RNF138: variants seen among roughly 807,000 people sequenced by gnomAD.
RNF138 encodes E3 ubiquitin-protein ligase RNF138.
Under a neutral mutation model 31.0 loss-of-function variants are expected in RNF138, and 12 were observed. The observed-to-expected ratio is 0.39, with a 90% CI of 0.25 to 0.63. The LOEUF (loss-of-function observed/expected upper bound fraction) is 0.63. Ranked by LOEUF, RNF138 falls within the 20% of genes least tolerant of loss-of-function variation. The pLI is 0.52. For missense variants in RNF138, 192 were observed against 300.1 expected (o/e 0.64, Z 2.66); for synonymous variants, 105 against 99.5 (o/e 1.06, Z -0.33).
intron 4 of RNF138, among the ~76,000 whole-genome samples, chr18:32,122,648 AC>A (rs1303014430): frequency 1.3e-5 from 2 of 151,674 alleles, no homozygotes; most frequent in Admixed American, 1.3e-4. Context: ...ACATGGCGAA[AC>A]CCCGTCTCTA....
intron 4 of RNF138, among the ~76,000 whole-genome samples, chr18:32,114,815 C>T (rs1248067978): frequency 1.3e-5 from 2 of 152,142 alleles, no homozygotes; most frequent in Non-Finnish European, 2.9e-5. Flanking sequence ...ACTTAACCGC[C>T]CTTAAGCACT....
chr18:32,096,522 G>A (rs1482816110), intron 2 of RNF138, among the ~76,000 whole-genome samples: 2 of 152,104 alleles, frequency 1.3e-5, no homozygotes, highest in Non-Finnish European at 2.9e-5. Flanking sequence ...AAAGATTGAA[G>A]AGCACCTAGA....
chr18:32,114,934 G>T (rs949598002), intron 4 of RNF138, among the ~76,000 whole-genome samples: 2 of 152,038 alleles, frequency 1.3e-5, no homozygotes, highest in African/African-American at 4.8e-5. Context: ...TGATTGCCTA[G>T]TCTGAAAAAA....
chr18:32,104,013 CTTT>C (rs745696010), intron 2 of RNF138, among the ~76,000 whole-genome samples: 3,993 of 130,798 alleles, frequency 0.031, 194 homozygotes, highest in African/African-American at 0.11. Flanking sequence ...GGCTAAAAAA[CTTT>C]TTTTTTTTTT....
At chr18:32,093,563 C>G (rs1263810360) in intron 2 of RNF138, among the ~76,000 whole-genome samples, 1 of 152,140 alleles carries the variant, frequency 6.6e-6, no homozygotes, top group Non-Finnish European at 1.5e-5. Flanking sequence ...TTGAAATGAG[C>G]GTTCCCCTTT....
At chr18:32,124,589 A>G (rs1176417802) in intron 5 of RNF138, 145 bp from the exon 6 acceptor site, 2 of 594,662 alleles carry the variant, frequency 3.4e-6, no homozygotes, top group Non-Finnish European at 6.0e-6. Flanking sequence ...TTTCCTGAAT[A>G]CATATGTTCA....
chr18:32,092,829 G>A lies in RNF138; in HGVS notation c.53G>A (p.Cys18Tyr). 2.5e-6 allele frequency: 4 copies of A among 1,600,538 alleles called. No homozygotes were observed. Among genetic ancestry groups the A allele is most frequent in the Non-Finnish European group, 2.6e-6 (3 of 1,175,812 alleles). ...TCCTACACCGAAGATGATTTCTACT[G>A]CCCCGTCTGTCAGGAGGTGCTCAAA... ...ATSYTEDDFY[C>Y]PVCQEVLKTP... The change falls in exon 2 of 8, where the codon TGC becomes TAC. Residue 18 changes from cysteine to tyrosine, a missense_variant. Cys to Tyr is a radical substitution (Grantham distance 194, BLOSUM62 -2). This residue lies in a region of RNF138 where 52 missense variants were observed against 48.4 expected (regional missense o/e 1.07). Transcript: ENST00000261593.
chr18:32,111,385 G>A (rs181842297), intron 2 of RNF138, among the ~76,000 whole-genome samples: 32 of 152,288 alleles, frequency 2.1e-4, no homozygotes, highest in African/African-American at 7.2e-4. Flanking sequence ...TCCAGTGTGC[G>A]TTAATTTGTT....
intron 2 of RNF138, 141 bp downstream of exon 2, chr18:32,093,027 C>T (rs974676795): frequency 1.5e-5 from 7 of 475,160 alleles, no homozygotes; most frequent in Non-Finnish European, 2.6e-5. Context: ...AGGTCCCGTT[C>T]CCCGCCCCTC....
At chr18:32,111,165 C>G (rs905898041) in intron 2 of RNF138, among the ~76,000 whole-genome samples, 4 of 152,242 alleles carry the variant, frequency 2.6e-5, no homozygotes, top group African/African-American at 9.6e-5. Flanking sequence ...ACCAAATAAC[C>G]AAATATCTGT....
At chr18:32,099,931 A>G (rs1181979564) in intron 2 of RNF138, among the ~76,000 whole-genome samples, 1 of 152,238 alleles carries the variant, frequency 6.6e-6, no homozygotes, top group African/African-American at 2.4e-5. Flanking sequence ...GATACAAACA[A>G]ATATTTCTGA....
At chr18:32,114,875 CT>C (rs2040189789) in intron 4 of RNF138, among the ~76,000 whole-genome samples, 1 of 149,998 alleles carries the variant, frequency 6.7e-6, no homozygotes, top group African/African-American at 2.5e-5. Flanking sequence ...GTTGAAATTT[CT>C]GGTAAAAACC....
intron 5 of RNF138, 151 bp downstream of exon 5, chr18:32,123,725 T>G: frequency 4.1e-6 from 2 of 484,864 alleles, no homozygotes; most frequent in Non-Finnish European, 7.1e-6. Flanking sequence ...CGATCTTGGC[T>G]CACTGCAACC....
intron 2 of RNF138, among the ~76,000 whole-genome samples, chr18:32,103,691 T>C (rs2039980024): frequency 2.0e-5 from 3 of 152,116 alleles, no homozygotes; most frequent in Admixed American, 2.0e-4. Flanking sequence ...GGGCCGGGTG[T>C]GGTGGCTCAC....
chr18:32,112,031 T>C, intron 3 of RNF138, 112 bp downstream of exon 3: 3 of 897,948 alleles, frequency 3.3e-6, no homozygotes, highest in Non-Finnish European at 4.8e-6. Context: ...TGAAAGGTAT[T>C]TAGACTGGGA....
chr18:32,114,645 ATTG>A (rs886631077), intron 4 of RNF138, among the ~76,000 whole-genome samples: 1 of 152,196 alleles, frequency 6.6e-6, no homozygotes, highest in African/African-American at 2.4e-5. Flanking sequence ...TAAACAATGC[ATTG>A]TTAATTTTGA....
intron 2 of RNF138, among the ~76,000 whole-genome samples, chr18:32,099,795 A>T (rs1031293284): frequency 6.6e-6 from 1 of 152,262 alleles, no homozygotes; most frequent in Non-Finnish European, 1.5e-5. Context: ...TTAGGCTGCA[A>T]GCTTTATAAA....
intron 4 of RNF138, among the ~76,000 whole-genome samples, chr18:32,121,752 C>CA (rs1280506277): frequency 1.3e-5 from 2 of 152,220 alleles, no homozygotes; most frequent in East Asian, 3.9e-4. Flanking sequence ...TTTTTGGTAA[C>CA]AAAATCATGT....
Position 32,102,639 on chromosome 18 carries a change from T to C in RNF138, c.111-9115T>C, listed in dbSNP as rs2039963332. 2.0e-5 allele frequency among the ~76,000 whole-genome samples: 3 copies of C among 151,296 alleles called. No homozygotes were observed. The South Asian group carries it at 6.2e-4, about 31-fold the overall frequency. On this transcript the variant is annotated intron_variant, in intron 2 of 7. Coordinates refer to ENST00000261593, the MANE Select transcript of RNF138 (RefSeq NM_016271.5). ...AATTTTGGAGGTTAATTTGGGATTT[T>C]CTTTTTTTTTTGAGAAATAGTCTCC...
Sources: gnomAD v4.1 joint callset for allele counts (sites outside exome capture counted in the v4.1 genomes callset) on GRCh38, gnomAD v4.1.1 for gene constraint, gnomAD v4.1.1 regional missense constraint, MANE v1.5 for transcripts, NCBI Gene and HGNC (gene_info 2026-07-23, HGNC 2026-07-21) for gene names.